Variants in ST8SIA5 observed in about 807,000 individuals in gnomAD.
ST8SIA5 encodes the protein alpha-2,8-sialyltransferase 8E.
In ST8SIA5, 24 loss-of-function variants were observed where a neutral mutation model predicts 40.2. The ratio of observed to expected loss-of-function variants is 0.60; its 90% CI spans 0.43 to 0.84. ST8SIA5 has a LOEUF of 0.84. ST8SIA5 is among the 40% of genes least tolerant of loss of function. The pLI, the probability that ST8SIA5 is intolerant of heterozygous loss-of-function variation, is 0.00. For synonymous variants in ST8SIA5, 198 were observed against 201.8 expected, an observed-to-expected ratio of 0.98 and a Z score of 0.16; for missense variants, 465 against 498.5, an observed-to-expected ratio of 0.93 and a Z score of 0.64.
At chr18:46,748,830 C>G (rs558206612) in intron 1 of ST8SIA5, among the ~76,000 whole-genome samples, 1 of 152,240 alleles carries the variant, frequency 6.6e-6, no homozygotes, top group East Asian at 1.9e-4. Context: ...TTGGAGAACC[C>G]TGGCAGTTCA....
chr18:46,721,536 C>T (rs1402688257), intron 1 of ST8SIA5: 2 of 1,344,546 alleles, frequency 1.5e-6, no homozygotes, highest in African/African-American at 1.4e-5. Flanking sequence ...TACCAGAGAG[C>T]CACATTCTGT....
At chr18:46,702,590 G>A (rs2039629508) in intron 2 of ST8SIA5, among the ~76,000 whole-genome samples, 1 of 152,176 alleles carries the variant, frequency 6.6e-6, no homozygotes, top group Admixed American at 6.5e-5. Context: ...TAGGGCCTTT[G>A]TACAGACTGT....
At chr18:46,749,891 T>C (rs2040180096) in intron 1 of ST8SIA5, among the ~76,000 whole-genome samples, 1 of 152,084 alleles carries the variant, frequency 6.6e-6, no homozygotes, top group East Asian at 1.9e-4. Context: ...GGTGCCCACA[T>C]AAGACGAGGC....
At chr18:46,719,289 T>C (rs1037534574) in intron 1 of ST8SIA5, among the ~76,000 whole-genome samples, 1 of 151,564 alleles carries the variant, frequency 6.6e-6, no homozygotes, top group Non-Finnish European at 1.5e-5. Context: ...TCCCGGCTGA[T>C]AGGAAAGAGG....
At chr18:46,742,486 G>T (rs1283273095) in intron 1 of ST8SIA5, among the ~76,000 whole-genome samples, 1 of 151,502 alleles carries the variant, frequency 6.6e-6, no homozygotes, top group Non-Finnish European at 1.5e-5. Context: ...TGCTTCAAAG[G>T]AACACCAAAA....
chr18:46,741,662 A>G (rs1253114941), intron 1 of ST8SIA5, among the ~76,000 whole-genome samples: 2 of 152,258 alleles, frequency 1.3e-5, no homozygotes, highest in Admixed American at 6.5e-5. Flanking sequence ...TATAAAACAA[A>G]TAATATACCA....
At chr18:46,680,543 A>C (rs1442808475) in intron 6 of ST8SIA5, 33 bp from the exon 7 acceptor site, 1 of 1,520,974 alleles carries the variant, frequency 6.6e-7, no homozygotes. Flanking sequence ...GTGAGCACCC[A>C]CTCCTCCGTG....
At chr18:46,702,156 A>AT (rs1419058125) in intron 2 of ST8SIA5, among the ~76,000 whole-genome samples, 1 of 151,580 alleles carries the variant, frequency 6.6e-6, no homozygotes, top group South Asian at 2.1e-4. Flanking sequence ...CAAAAAAAAA[A>AT]AAAAAACAGA....
At chr18:46,737,793 CAG>C (rs1418269093) in intron 1 of ST8SIA5, among the ~76,000 whole-genome samples, 3 of 151,152 alleles carry the variant, frequency 2.0e-5, no homozygotes, top group Non-Finnish European at 4.4e-5. Flanking sequence ...TTTTTTGAGA[CAG>C]AGTCTCACTG....
chr18:46,736,728 T>C (rs1482980130), intron 1 of ST8SIA5, among the ~76,000 whole-genome samples: 1 of 152,058 alleles, frequency 6.6e-6, no homozygotes, highest in African/African-American at 2.4e-5. Flanking sequence ...GCCCAGATAC[T>C]CGGCAAATGC....
chr18:46,725,509 T>TAGCAAGACACTC lies in ST8SIA5; in HGVS notation c.132-20857_132-20846dup. ...CTACTGAGCAGAAAATATGATGACT[T>TAGCAAGACACTC]AGCAAGACACTCATTATTAAATGGC... is the stretch of plus-strand genomic sequence containing the variant. On this transcript the variant is annotated intron_variant, in intron 1 of 6. Coordinates refer to ENST00000315087, the MANE Select transcript of ST8SIA5 (RefSeq NM_013305.6). Among the ~76,000 whole-genome samples the TAGCAAGACACTC allele has an allele frequency of 2.6e-5, 4 of 151,718 alleles. No homozygotes were observed. The South Asian group carries it at 8.3e-4, about 32-fold the overall frequency.
rs536056534 is a variant in ST8SIA5 at position 46,689,124 on chromosome 18, T to C, written c.312-205A>G. 130 of 492,620 alleles carry C rather than the reference T, an allele frequency of 2.6e-4. 1 individual carries two copies. In the East Asian group the frequency reaches 4.3e-3, roughly 16 times the overall value. The allele number at this position is 492,620 out of a possible 1,614,324, so 30.5% of individuals were successfully genotyped here. A position where few individuals can be genotyped will look rare whatever the true frequency, so the allele number is the denominator to read the frequency against. Reference sequence around the variant, plus strand: ...CCCCACCCTGCATGGAGCCGAGGCCTCTCCTGCCCACTCATTCCCAGGCTT... The same window carrying C: ...CCCCACCCTGCATGGAGCCGAGGCCCCTCCTGCCCACTCATTCCCAGGCTT... On this transcript the variant is annotated intron_variant, in intron 3 of 6. Transcript: ENST00000315087.
chr18:46,688,728 G>A (rs1354404053), intron 4 of ST8SIA5, 47 bp downstream of exon 4: 2 of 1,578,008 alleles, frequency 1.3e-6, no homozygotes, highest in Non-Finnish European at 1.7e-6. Flanking sequence ...GCTACTGCTG[G>A]ATTGGCTCCC....
intron 2 of ST8SIA5, among the ~76,000 whole-genome samples, chr18:46,704,120 A>T (rs995020646): frequency 7.2e-5 from 11 of 152,200 alleles, no homozygotes; most frequent in African/African-American, 2.7e-4. Flanking sequence ...GTACTGCACA[A>T]ATTTTGTATC....
rs187521427 is a variant in ST8SIA5 at position 46,675,788 on chromosome 18, A to T, written c.*4254T>A. The stretch of plus-strand genomic sequence containing the variant: ...AGAGAGACTGTGCATAGTGGCTCAC[A>T]CCTGTAATCCCAGCACTTTGGGAGG... On this transcript the variant is annotated 3_prime_UTR_variant, in exon 7 of 7. Transcript: ENST00000315087. 1 of 152,206 alleles carries T rather than the reference A, an allele frequency of 6.6e-6. No homozygotes were observed. Among genetic ancestry groups the T allele is most frequent in the East Asian group, 1.9e-4 (1 of 5,174 alleles). 9.4% of individuals were successfully genotyped at this position (152,206 alleles called of 1,614,324 possible).
chr18:46,748,555 C>CAAAAA (rs71162822), intron 1 of ST8SIA5, among the ~76,000 whole-genome samples: 6 of 78,322 alleles, frequency 7.7e-5, no homozygotes, highest in South Asian at 5.8e-4. Flanking sequence ...AACTTCCTCT[C>CAAAAA]AAAAAAAAAA....
At chr18:46,688,689 G>A (rs754277791) in intron 4 of ST8SIA5, 86 bp downstream of exon 4, 6 of 1,512,640 alleles carry the variant, frequency 4.0e-6, no homozygotes, top group Non-Finnish European at 5.3e-6. Context: ...AGTGAGTCAG[G>A]CAAAACCCCA....
intron 1 of ST8SIA5, among the ~76,000 whole-genome samples, chr18:46,727,569 T>A (rs562408817): frequency 6.6e-6 from 1 of 152,334 alleles, no homozygotes; most frequent in South Asian, 2.1e-4. Flanking sequence ...TTTTTGCCAA[T>A]GGATTAAAAT....
rs2039512889 is a variant in ST8SIA5 at position 46,692,211 on chromosome 18, A to G, written c.269T>C (p.Met90Thr). ...ELFDRWKSLQ[M>T]CKWAMNISEA... is the part of the protein sequence containing the mutation. ...AGAGATGTTCATCGCCCATTTGCAC[A>G]TCTGGAGGCTCTTCCACCTGTCGAA... The change falls in exon 3 of 7, where the codon ATG (methionine) becomes ACG (threonine). Residue 90 changes from methionine (M) to threonine (T), a missense_variant. Transcript: ENST00000315087. 1.2e-6 allele frequency: 2 copies of G among 1,614,000 alleles called. No individual in the cohort carries two copies. The highest frequency in any genetic ancestry group is 2.7e-5 in the African/African-American group (2 of 74,900).
Sources: gnomAD v4.1 joint callset for allele counts (sites outside exome capture counted in the v4.1 genomes callset) on GRCh38, gnomAD v4.1.1 for gene constraint, MANE v1.5 for transcripts, NCBI Gene and HGNC (gene_info 2026-07-23, HGNC 2026-07-21) for gene names.